MYO18A: variants seen among roughly 807,000 people sequenced by gnomAD.
The protein encoded by MYO18A is myosin XVIIIA.
A neutral mutation model predicts 235.8 loss-of-function variants in MYO18A; 78 were observed. The observed-to-expected ratio is 0.33, with a 90% CI of 0.28 to 0.40. MYO18A has a LOEUF of 0.40. MYO18A is among the 10% of genes least tolerant of loss of function. MYO18A has a pLI of 1.00. For missense variants in MYO18A, 2,215 were observed against 2,699.3 expected (o/e 0.82, Z 3.98); for synonymous variants, 977 against 1,077.8 (o/e 0.91, Z 1.83).
At chr17:29,157,479 A>G (rs569556203) in intron 2 of MYO18A, among the ~76,000 whole-genome samples, 1 of 152,354 alleles carries the variant, frequency 6.6e-6, no homozygotes, top group South Asian at 2.1e-4. Context: ...ATATCCGGAT[A>G]CTGCCTTGCT....
At position 29,114,058 on chromosome 17, in the gene MYO18A, TC is replaced by T; in HGVS notation, c.2550del (p.Thr851ArgfsTer88). On this transcript the variant is annotated frameshift_variant, in exon 15 of 42. Coordinates refer to ENST00000527372, the MANE Select transcript of MYO18A (RefSeq NM_078471.4). LOFTEE classifies it high-confidence loss of function. ...TCCACAGCAGCCACAGAGTCATCCGTCGGGGGTTCCAAGTCGTCAAACGCCA... is the reference window on the plus strand; with the variant it reads ...TCCACAGCAGCCACAGAGTCATCCGTGGGGGTTCCAAGTCGTCAAACGCCA... ...IELAFDDLEPPTDDSVAAVDQ... is the reference protein window; with the variant it reads ...IELAFDDLEPXTDDSVAAVDQ... 6.2e-7 allele frequency: 1 copy of T among 1,604,290 alleles called. No homozygotes were observed. Among genetic ancestry groups the T allele is most frequent in the East Asian group, 2.3e-5 (1 of 44,268 alleles).
chr17:29,098,729 G>A (rs915234037), intron 23 of MYO18A, 97 bp downstream of exon 23: 10 of 1,473,802 alleles, frequency 6.8e-6, no homozygotes, highest in Non-Finnish European at 9.2e-6. Context: ...AAGGATGACA[G>A]CTCTCTGGAC....
At position 29,180,394 on chromosome 17, in the gene MYO18A, A is replaced by AGCGCAGCGCG. The variant is rs1010259428; in HGVS notation, c.-164_-163insCGCGCTGCGC. ...CTCGGCCCGGTCAGGGATGGAGCAG[A>AGCGCAGCGCG]GCGCAGCGCGGCGCAGCTCAGCGCC... On this transcript the variant is annotated 5_prime_UTR_variant, in exon 1 of 42. Coordinates refer to ENST00000527372, the MANE Select transcript of MYO18A (RefSeq NM_078471.4). This position sits in a 1 kb window ranked among gnomAD's most constrained non-coding sequence, Gnocchi z 6.1. 2 of 152,008 alleles carry AGCGCAGCGCG rather than the reference A, an allele frequency of 1.3e-5. No individual in the cohort carries two copies. Among genetic ancestry groups the AGCGCAGCGCG allele is most frequent in the Non-Finnish European group, 2.9e-5 (2 of 67,972 alleles). The allele number at this position is 152,008 out of a possible 1,614,324, so 9.4% of individuals were successfully genotyped here. A position where few individuals can be genotyped will look rare whatever the true frequency, so the allele number is the denominator to read the frequency against.
intron 1 of MYO18A, among the ~76,000 whole-genome samples, chr17:29,179,694 A>G (rs1015969728): frequency 1.3e-5 from 2 of 152,236 alleles, no homozygotes; most frequent in African/African-American, 4.8e-5. Context: ...AAAGCCTGCC[A>G]CCATTCACCC....
chr17:29,107,273 T>G, intron 19 of MYO18A, 84 bp from the exon 20 acceptor site: 1 of 1,327,750 alleles, frequency 7.5e-7, no homozygotes, highest in Non-Finnish European at 1.1e-6. Flanking sequence ...GGGCAGTCAG[T>G]GGAGAGTCAC....
At chr17:29,138,596 G>A (rs539605848) in intron 2 of MYO18A, among the ~76,000 whole-genome samples, 2 of 152,326 alleles carry the variant, frequency 1.3e-5, no homozygotes, top group Non-Finnish European at 2.9e-5. Context: ...TATGTGTCAG[G>A]TGCTGTGCTG....
intron 2 of MYO18A, among the ~76,000 whole-genome samples, chr17:29,129,584 G>A (rs901458096): frequency 6.6e-6 from 1 of 152,218 alleles, no homozygotes; most frequent in Admixed American, 6.5e-5. Context: ...GCAGAGCTCT[G>A]TCACCAGCTG....
At chr17:29,152,480 C>T (rs1001944236) in intron 2 of MYO18A, among the ~76,000 whole-genome samples, 2 of 152,174 alleles carry the variant, frequency 1.3e-5, no homozygotes, top group African/African-American at 2.4e-5. Flanking sequence ...AGCAATCCCT[C>T]GCTAAGATTA....
At chr17:29,102,248 C>T (rs527836371) in intron 21 of MYO18A, among the ~76,000 whole-genome samples, 1 of 152,316 alleles carries the variant, frequency 6.6e-6, no homozygotes, top group South Asian at 2.1e-4. Context: ...CCTTTCCTGC[C>T]CTTCCCAAGA....
At chr17:29,080,842 C>T in intron 41 of MYO18A, 2 of 985,444 alleles carry the variant, frequency 2.0e-6, no homozygotes, top group Non-Finnish European at 2.4e-6. Flanking sequence ...CCTAGGGGGC[C>T]TCTCAGGGGA....
rs1373581663 is a variant in MYO18A, at chr17:29,126,136, A to G, written c.1000-3883T>C. On this transcript the variant is annotated intron_variant, in intron 2 of 41. Coordinates refer to ENST00000527372, the MANE Select transcript of MYO18A (RefSeq NM_078471.4). This position sits in a 1 kb window ranked among gnomAD's most constrained non-coding sequence, Gnocchi z 4.1. ...ACCATCAGATTAGAAAAAAAAGAAC[A>G]AGTGCCTGGGAGTTCTGGGGTTATT... Among the ~76,000 whole-genome samples, 2 of 152,078 alleles carry G rather than the reference A, an allele frequency of 1.3e-5. No individual in the cohort carries two copies. The highest frequency in any genetic ancestry group is 2.9e-5 in the Non-Finnish European group (2 of 67,990).
chr17:29,163,585 C>T (rs2068219297), intron 2 of MYO18A, among the ~76,000 whole-genome samples: 1 of 152,206 alleles, frequency 6.6e-6, no homozygotes. Flanking sequence ...CCAGCTATAA[C>T]TTGGAATCCA....
intron 2 of MYO18A, among the ~76,000 whole-genome samples, chr17:29,146,012 C>T (rs970348265): frequency 4.6e-5 from 7 of 152,206 alleles, no homozygotes; most frequent in African/African-American, 1.4e-4. Flanking sequence ...AATCTCAGCA[C>T]TTTGGGAGGC....
chr17:29,082,624 C>T (rs1224147368), intron 40 of MYO18A, among the ~76,000 whole-genome samples, 186 bp from the exon 41 acceptor site: 1 of 152,120 alleles, frequency 6.6e-6, no homozygotes, highest in African/African-American at 2.4e-5. Context: ...CCTGTCCCCA[C>T]TCAGCAGCCA....
chr17:29,133,185 A>C (rs559546542), intron 2 of MYO18A, among the ~76,000 whole-genome samples: 2 of 152,342 alleles, frequency 1.3e-5, no homozygotes, highest in East Asian at 1.9e-4. Context: ...CAAGTGTCTG[A>C]AACACTGGGC....
At position 29,117,160 on chromosome 17, in the gene MYO18A, C is replaced by T. The variant is rs77009816; in HGVS notation, c.2039-705G>A. 0.02 allele frequency among the ~76,000 whole-genome samples: 3,040 copies of T among 152,262 alleles called. 87 individuals carry two copies. The highest frequency in any genetic ancestry group is 0.067 in the African/African-American group (2,802 of 41,542). On this transcript the variant is annotated intron_variant, in intron 10 of 41. Transcript: ENST00000527372. This position sits in a 1 kb window ranked among gnomAD's most constrained non-coding sequence, Gnocchi z 4.6. ...GCTGTTCAGCGCCAGCATCCCCTTT[C>T]CCTAAACTGGAGAAAAAGGGGGTGA...
At chr17:29,107,017 T>A in intron 20 of MYO18A, 63 bp downstream of exon 20, 3 of 1,502,904 alleles carry the variant, frequency 2.0e-6, no homozygotes, top group Non-Finnish European at 2.8e-6. Context: ...CAGATGAGTC[T>A]GGAAAGGGCA....
At chr17:29,088,349 C>T (rs1414573736) in intron 37 of MYO18A, among the ~76,000 whole-genome samples, 2 of 152,162 alleles carry the variant, frequency 1.3e-5, no homozygotes, top group Admixed American at 1.3e-4. Flanking sequence ...CCACCGCGCC[C>T]AGCCGAAAAT....
intron 1 of MYO18A, among the ~76,000 whole-genome samples, chr17:29,175,269 T>C (rs2068497617): frequency 2.0e-5 from 3 of 152,196 alleles, no homozygotes; most frequent in African/African-American, 7.2e-5. Context: ...TTTAATTTTT[T>C]ATAAGAACAT....
Sources: gnomAD v4.1 joint callset for allele counts (sites outside exome capture counted in the v4.1 genomes callset) on GRCh38, gnomAD v4.1.1 for gene constraint, Gnocchi (gnomAD v3.1) non-coding constraint, MANE v1.5 for transcripts, NCBI Gene and HGNC (gene_info 2026-07-23, HGNC 2026-07-21) for gene names.